Variants in TTC23 observed in about 807,000 individuals in gnomAD.
TTC23 encodes tetratricopeptide repeat domain 23, also known as tetratricopeptide repeat protein 23.
TTC23 carries 58 observed loss-of-function variants against 55.1 expected under a neutral mutation model. That is an observed-to-expected ratio of 1.05 (90% CI 0.85 to 1.31). TTC23 has a LOEUF of 1.31. Ranked by LOEUF, TTC23 falls within the 50% of genes most tolerant of loss-of-function variation. The probability of loss-of-function intolerance (pLI) is 0.00; values close to 1 mark genes in which losing one functional copy is unlikely to be tolerated. For synonymous variants in TTC23, 203 were observed against 199.9 expected (o/e 1.02, Z -0.13); for missense variants, 516 against 534.4 (o/e 0.97, Z 0.34).
chr15:99,250,509 G>A (rs1406755594), upstream of TTC23, among the ~76,000 whole-genome samples: 1 of 152,180 alleles, frequency 6.6e-6, no homozygotes, highest in Admixed American at 6.5e-5. Context: ...ATCAGCGGTT[G>A]TAGTAGAGGA....
Position 99,161,826 on chromosome 15 carries a change from T to G in TTC23, c.907A>C (p.Lys303Gln). Residue 303 changes from lysine to glutamine, a missense_variant, in exon 11 of 14, where the codon AAG becomes CAG. Transcript: ENST00000394132. ...GTTCTTCCCATCCCTTCAGAATCCT[T>G]AAGATGAGCCATGCTCTCTTGAAAA... ...QYFQESMAHL[K>Q]DSEGMGRTKF... 1 of 1,613,246 alleles carries G rather than the reference T, an allele frequency of 6.2e-7. No individual in the cohort carries two copies.
Position 99,213,087 on chromosome 15 carries a change from C to T in TTC23, c.581+5501G>A, listed in dbSNP as rs143118537. On this transcript the variant is annotated intron_variant, in intron 8 of 13. Coordinates refer to ENST00000394132, the MANE Select transcript of TTC23 (RefSeq NM_001288615.3). ...TCCAAGACCTGGCAAAAGAAAAGGCCCTCATGGTTCAAGCTTACCTACAGA... is the reference window on the plus strand; with the variant it reads ...TCCAAGACCTGGCAAAAGAAAAGGCTCTCATGGTTCAAGCTTACCTACAGA... Among the ~76,000 whole-genome samples, 377 of 151,800 alleles carry T rather than the reference C, an allele frequency of 2.5e-3. 3 individuals carry two copies. Among genetic ancestry groups the T allele is most frequent in the Non-Finnish European group, 3.5e-3 (235 of 67,978 alleles).
At chr15:99,178,573 T>G (rs2073827428) in intron 9 of TTC23, among the ~76,000 whole-genome samples, 1 of 152,208 alleles carries the variant, frequency 6.6e-6, no homozygotes, top group African/African-American at 2.4e-5. Flanking sequence ...AGGCAGGAAT[T>G]TTAGTTTTAA....
At chr15:99,242,833 G>A (rs1460771937) in intron 2 of TTC23, among the ~76,000 whole-genome samples, 6 of 152,112 alleles carry the variant, frequency 3.9e-5, no homozygotes, top group Non-Finnish European at 8.8e-5. Flanking sequence ...GCTGATAAAA[G>A]CCTGATTTTA....
chr15:99,170,788 T>G (rs909321347), intron 10 of TTC23, among the ~76,000 whole-genome samples: 1 of 152,222 alleles, frequency 6.6e-6, no homozygotes, highest in Admixed American at 6.5e-5. Flanking sequence ...ACACTGGGAA[T>G]GTACCCACCT....
chr15:99,139,175 G>A (rs1555488698), intron 13 of TTC23, 142 bp downstream of exon 13: 1 of 1,036,230 alleles, frequency 9.7e-7, no homozygotes, highest in African/African-American at 1.6e-5. Flanking sequence ...GGTTTCAAAG[G>A]AACTTGTCCT....
chr15:99,155,131 A>G (rs2070360784), intron 12 of TTC23, among the ~76,000 whole-genome samples: 1 of 152,242 alleles, frequency 6.6e-6, no homozygotes, highest in Non-Finnish European at 1.5e-5. Flanking sequence ...ATTTACACAG[A>G]GAAACCAACT....
At chr15:99,244,625 C>T (rs554242656) in intron 2 of TTC23, among the ~76,000 whole-genome samples, 4 of 151,972 alleles carry the variant, frequency 2.6e-5, no homozygotes, top group South Asian at 2.1e-4. Flanking sequence ...CATACATTAT[C>T]GAAAGAAATT....
At chr15:99,216,061 T>G (rs1378301342) in intron 8 of TTC23, among the ~76,000 whole-genome samples, 4 of 152,198 alleles carry the variant, frequency 2.6e-5, no homozygotes, top group Non-Finnish European at 5.9e-5. Flanking sequence ...ATGAGGCTGC[T>G]AAACTCTCCT....
intron 3 of TTC23, among the ~76,000 whole-genome samples, chr15:99,240,626 T>C (rs973048198): frequency 6.6e-6 from 1 of 152,254 alleles, no homozygotes; most frequent in African/African-American, 2.4e-5. Context: ...CTACCGGACA[T>C]GAAGGCAGCA....
At position 99,218,707 on chromosome 15, in the gene TTC23, C is replaced by G; in HGVS notation, c.462G>C (p.Lys154Asn). 25 of 1,614,016 alleles carry G rather than the reference C, an allele frequency of 1.5e-5. No individual in the cohort carries two copies. Among genetic ancestry groups the G allele is most frequent in the Non-Finnish European group, 1.9e-5 (22 of 1,180,016 alleles). The part of the protein sequence containing the change: ...GRALLSLQKF[K>N]EAAENLTKAE... ...CTTTTGTCAAATTCTCTGCAGCTTC[C>G]TTAAATCTGAATTGTGTTCAGGAAA... The change falls in exon 8 of 14, where the codon AAG becomes AAC. Residue 154 changes from lysine (K) to asparagine (N), a missense_variant. By Grantham distance (94) the Lys-to-Asn change is moderately conservative. Transcript: ENST00000394132.
chr15:99,222,997 AAAAC>A (rs906054507), intron 5 of TTC23, among the ~76,000 whole-genome samples: 35 of 152,316 alleles, frequency 2.3e-4, no homozygotes, highest in Middle Eastern at 6.8e-3. Flanking sequence ...ACTCCGTCTC[AAAAC>A]AAACAAACAA....
At chr15:99,150,447 G>A (rs1465727481) in intron 12 of TTC23, among the ~76,000 whole-genome samples, 4 of 152,204 alleles carry the variant, frequency 2.6e-5, no homozygotes, top group Admixed American at 6.5e-5. Flanking sequence ...TATTGTAGAC[G>A]TAATAGTCCA....
At chr15:99,171,551 C>T (rs1968699) in intron 10 of TTC23, among the ~76,000 whole-genome samples, 11,802 of 144,162 alleles carry the variant, frequency 0.082, 671 homozygotes, top group African/African-American at 0.16. Context: ...GCTCCTGAGT[C>T]TCTCCGTCTT....
intron 12 of TTC23, among the ~76,000 whole-genome samples, chr15:99,143,729 T>C (rs1555491521): frequency 6.6e-6 from 1 of 152,248 alleles, no homozygotes; most frequent in East Asian, 1.9e-4. Flanking sequence ...GGAGCTTTTC[T>C]TTCCCTTGCA....
chr15:99,176,863 TCTG>T (rs2073621067), intron 9 of TTC23, among the ~76,000 whole-genome samples: 1 of 152,174 alleles, frequency 6.6e-6, no homozygotes, highest in Non-Finnish European at 1.5e-5. Context: ...AACTTCAAAT[TCTG>T]CTATCTCTAT....
chr15:99,183,408 G>A (rs2074344780), intron 9 of TTC23, among the ~76,000 whole-genome samples: 1 of 150,110 alleles, frequency 6.7e-6, no homozygotes, highest in Admixed American at 6.7e-5. Flanking sequence ...TGCAACCTCC[G>A]CCTCCTGGGT....
intron 10 of TTC23, among the ~76,000 whole-genome samples, chr15:99,169,317 A>G (rs2623189): frequency 0.79 from 120,382 of 152,168 alleles, 47,963 homozygotes; most frequent in African/African-American, 0.89. Context: ...GAGACAGGCA[A>G]CTGGGGCGTG....
At chr15:99,149,652 G>A (rs2069433979) in intron 12 of TTC23, among the ~76,000 whole-genome samples, 1 of 152,248 alleles carries the variant, frequency 6.6e-6, no homozygotes, top group African/African-American at 2.4e-5. Flanking sequence ...ATAGAGTAAA[G>A]AGTCGGGCCT....
Sources: gnomAD v4.1 joint callset for allele counts (sites outside exome capture counted in the v4.1 genomes callset) on GRCh38, gnomAD v4.1.1 for gene constraint, MANE v1.5 for transcripts, NCBI Gene and HGNC (gene_info 2026-07-23, HGNC 2026-07-21) for gene names.